The following CCDC170 variants were observed in gnomAD, a reference collection of about 807,000 sequenced individuals.
CCDC170 encodes the protein coiled-coil domain-containing protein 170.
A neutral mutation model predicts 72.6 loss-of-function variants in CCDC170; 69 were observed. The observed-to-expected ratio is 0.95, with a 90% CI of 0.78 to 1.16. The LOEUF (loss-of-function observed/expected upper bound fraction) is 1.16. Among genes scored for constraint, CCDC170 ranks in the 50% most tolerant of loss-of-function variants. The probability of loss-of-function intolerance (pLI) is 0.00; values close to 1 mark genes in which losing one functional copy is unlikely to be tolerated. For synonymous variants in CCDC170, 300 were observed against 303.9 expected (o/e 0.99, Z 0.13); for missense variants, 852 against 832.5 (o/e 1.02, Z -0.29).
intron 9 of CCDC170, among the ~76,000 whole-genome samples, chr6:151,607,750 T>G (rs1010538121): frequency 1.3e-5 from 2 of 152,202 alleles, no homozygotes; most frequent in African/African-American, 4.8e-5. Flanking sequence ...TGCTTTTCTT[T>G]TGCTGTTTTT....
chr6:151,518,814 A>G (rs1257319422), intron 1 of CCDC170, among the ~76,000 whole-genome samples: 1 of 152,196 alleles, frequency 6.6e-6, no homozygotes, highest in African/African-American at 2.4e-5. Flanking sequence ...CAAAGCCAGC[A>G]GGTTTTTATT....
chr6:151,537,926 G>A (rs1425421477), intron 2 of CCDC170, 119 bp from the exon 3 acceptor site: 2 of 989,048 alleles, frequency 2.0e-6, no homozygotes. Context: ...AAAAAATAAA[G>A]TTAGATTAAG....
chr6:151,564,890 G>C (rs948326854), intron 5 of CCDC170, among the ~76,000 whole-genome samples: 2 of 152,166 alleles, frequency 1.3e-5, no homozygotes, highest in South Asian at 2.1e-4. Context: ...GTGATCCCTG[G>C]ACTCCTGGAG....
intron 5 of CCDC170, among the ~76,000 whole-genome samples, chr6:151,570,627 T>C (rs972714727): frequency 1.3e-5 from 2 of 152,230 alleles, no homozygotes; most frequent in African/African-American, 2.4e-5. Flanking sequence ...GGTTTTCATA[T>C]CTTCCGGGGT....
intron 5 of CCDC170, among the ~76,000 whole-genome samples, chr6:151,554,062 A>G (rs774579245): frequency 6.6e-6 from 1 of 152,170 alleles, no homozygotes; most frequent in Non-Finnish European, 1.5e-5. Context: ...TAAAAATCCA[A>G]GTGATTTGTC....
At chr6:151,608,188 T>C (rs2115135609) in intron 9 of CCDC170, among the ~76,000 whole-genome samples, 1 of 152,310 alleles carries the variant, frequency 6.6e-6, no homozygotes, top group East Asian at 1.9e-4. Context: ...TTTTCTTATA[T>C]TTATTTCTTT....
At chr6:151,516,866 A>G (rs534217154) in intron 1 of CCDC170, among the ~76,000 whole-genome samples, 4 of 152,292 alleles carry the variant, frequency 2.6e-5, no homozygotes, top group East Asian at 3.9e-4. Context: ...GGCTGGTGCC[A>G]TATTGTCTTT....
At chr6:151,588,114 G>C (rs1485192136) in intron 7 of CCDC170, among the ~76,000 whole-genome samples, 1 of 152,192 alleles carries the variant, frequency 6.6e-6, no homozygotes, top group Non-Finnish European at 1.5e-5. Context: ...TAATGACTCA[G>C]GCTTCACTGC....
chr6:151,616,541 G>T (rs902603984), intron 10 of CCDC170, among the ~76,000 whole-genome samples: 1 of 151,994 alleles, frequency 6.6e-6, no homozygotes, highest in Non-Finnish European at 1.5e-5. Context: ...ACGACACAAT[G>T]AGCGTTCTCA....
At chr6:151,601,666 A>G (rs952377461) in intron 9 of CCDC170, among the ~76,000 whole-genome samples, 2 of 152,198 alleles carry the variant, frequency 1.3e-5, no homozygotes, top group African/African-American at 4.8e-5. Flanking sequence ...GGAGACTAGC[A>G]GGATGGGCTG....
intron 1 of CCDC170, 151 bp from the exon 2 acceptor site, chr6:151,536,167 T>C (rs1166530090): frequency 6.0e-6 from 5 of 830,620 alleles, no homozygotes; most frequent in Admixed American, 5.5e-5. Context: ...GAGAACCAAA[T>C]GGTCTGAACA....
At chr6:151,556,633 G>A (rs76179420) in intron 5 of CCDC170, among the ~76,000 whole-genome samples, 18,884 of 151,948 alleles carry the variant, frequency 0.12, 1,706 homozygotes, top group East Asian at 0.26. Context: ...GTATTTAACG[G>A]GTACGTGTGC....
rs1388815804 is a variant in CCDC170 at position 151,505,094 on chromosome 6, C to T, written c.57+10909C>T. ...AAAGTGTCACCTGGACTTGGTGGCC[C>T]GCGGAGCTGCCCGCTGGCCTCCTGG... On this transcript the variant is annotated intron_variant, in intron 1 of 10. Transcript: ENST00000239374. Among the ~76,000 whole-genome samples the T allele has an allele frequency of 2.6e-5, 4 of 152,062 alleles. No individual in the cohort carries two copies. In the South Asian group the frequency reaches 6.2e-4, roughly 24 times the overall value.
intron 6 of CCDC170, among the ~76,000 whole-genome samples, chr6:151,584,646 GGGATATCTTACTTTATAATTATA>G (rs1474567372): frequency 6.6e-6 from 1 of 151,928 alleles, no homozygotes; most frequent in Non-Finnish European, 1.5e-5. Flanking sequence ...AAATTTCATG[GGGATATCTTACTTTATAATTATA>G]GGAACTGGGG....
At chr6:151,540,109 T>A (rs1424144151) in intron 3 of CCDC170, among the ~76,000 whole-genome samples, 1 of 152,122 alleles carries the variant, frequency 6.6e-6, no homozygotes, top group Non-Finnish European at 1.5e-5. Context: ...TCTTAGTTGG[T>A]TTGGGCTGCT....
chr6:151,559,307 C>T (rs933261715), intron 5 of CCDC170, among the ~76,000 whole-genome samples: 2 of 152,084 alleles, frequency 1.3e-5, no homozygotes, highest in African/African-American at 4.8e-5. Context: ...CCACTGTGCC[C>T]AGCCAACAAC....
chr6:151,543,248 G>A (rs1180165172), intron 3 of CCDC170, among the ~76,000 whole-genome samples: 1 of 151,964 alleles, frequency 6.6e-6, no homozygotes, highest in Non-Finnish European at 1.5e-5. Flanking sequence ...ATTCATAATG[G>A]ACCATAAATT....
intron 1 of CCDC170, 134 bp downstream of exon 1, chr6:151,494,319 G>A: frequency 1.0e-6 from 1 of 966,306 alleles, no homozygotes; most frequent in Non-Finnish European, 1.4e-6. Context: ...CTGTGCCCGC[G>A]AGGGCTGTGG....
chr6:151,527,027 G>T (rs1782420555), intron 1 of CCDC170, among the ~76,000 whole-genome samples: 1 of 150,712 alleles, frequency 6.6e-6, no homozygotes, highest in African/African-American at 2.4e-5. Context: ...TGGGACTAGA[G>T]GTGTGCACCA....
Sources: gnomAD v4.1 joint callset for allele counts (sites outside exome capture counted in the v4.1 genomes callset) on GRCh38, gnomAD v4.1.1 for gene constraint, MANE v1.5 for transcripts, NCBI Gene and HGNC (gene_info 2026-07-23, HGNC 2026-07-21) for gene names.